The following FAM117A variants were observed in gnomAD, a reference collection of about 807,000 sequenced individuals.
The protein encoded by FAM117A is family with sequence similarity 117 member A.
A neutral mutation model predicts 44.1 loss-of-function variants in FAM117A; 21 were observed. The observed-to-expected ratio is 0.48, with a 90% CI of 0.34 to 0.69. The LOEUF is 0.69. Ranked by LOEUF, FAM117A falls within the 30% of genes least tolerant of loss-of-function variation. The probability of loss-of-function intolerance (pLI) is 0.01; values close to 1 mark genes in which losing one functional copy is unlikely to be tolerated. For missense variants in FAM117A, 498 were observed against 589.9 expected, an observed-to-expected ratio of 0.84 and a Z score of 1.61; for synonymous variants, 220 against 238.3, an observed-to-expected ratio of 0.92 and a Z score of 0.71.
At chr17:49,763,571 A>C (rs1242068148) in intron 1 of FAM117A, among the ~76,000 whole-genome samples, 6 of 90,174 alleles carry the variant, frequency 6.7e-5, no homozygotes, top group Admixed American at 1.3e-4. Context: ...CCTCGCTCCC[A>C]CCCCCTGCAT....
At chr17:49,722,701 C>G (rs2073540842) in intron 2 of FAM117A, 107 bp from the exon 3 acceptor site, 1 of 844,534 alleles carries the variant, frequency 1.2e-6, no homozygotes, top group Admixed American at 2.1e-5. Context: ...GCCCTTCTCT[C>G]TGCTCATCAA....
At chr17:49,745,854 T>C (rs1444628142) in intron 1 of FAM117A, among the ~76,000 whole-genome samples, 2 of 152,198 alleles carry the variant, frequency 1.3e-5, no homozygotes, top group Non-Finnish European at 1.5e-5. Flanking sequence ...AAAGGGGACT[T>C]TGGCTGGGTT....
At chr17:49,752,565 G>C (rs1405884172) in intron 1 of FAM117A, among the ~76,000 whole-genome samples, 1 of 152,084 alleles carries the variant, frequency 6.6e-6, no homozygotes, top group Non-Finnish European at 1.5e-5. Context: ...ATCTTCGCAT[G>C]TCTCCCTAAC....
At chr17:49,736,658 A>G (rs533359412) in intron 1 of FAM117A, among the ~76,000 whole-genome samples, 2 of 152,314 alleles carry the variant, frequency 1.3e-5, no homozygotes, top group African/African-American at 4.8e-5. Flanking sequence ...ACTATACTGC[A>G]TACCATTTCC....
upstream of FAM117A, among the ~76,000 whole-genome samples, chr17:49,764,971 C>T (rs906277353): frequency 6.6e-6 from 1 of 152,192 alleles, no homozygotes; most frequent in Non-Finnish European, 1.5e-5. Context: ...AACTGAAAAA[C>T]TTGCCCAAGT....
At chr17:49,779,523 C>T (rs2068830266) in intron 1 of FAM117A, among the ~76,000 whole-genome samples, 1 of 152,166 alleles carries the variant, frequency 6.6e-6, no homozygotes, top group African/African-American at 2.4e-5. Flanking sequence ...GATCTCAGCT[C>T]TGCATGACAT....
Position 49,731,870 on chromosome 17 carries a change from C to T in FAM117A, c.366+681G>A, listed in dbSNP as rs556566088. On this transcript the variant is annotated intron_variant, in intron 2 of 7. Transcript: ENST00000240364. ...GCGTGATCTCAGCTCACTGCAACCT[C>T]TCCCTCCAAGGTTCAAGCGATTCTC... is the stretch of plus-strand genomic sequence containing the variant. Among the ~76,000 whole-genome samples, 201 of 152,274 alleles carry T rather than the reference C, an allele frequency of 1.3e-3. 1 individual carries two copies. The highest frequency in any genetic ancestry group is 6.8e-3 in the Middle Eastern group (2 of 294).
rs1232368353 is a variant in FAM117A at position 49,720,538 on chromosome 17, A to T, written c.463-102T>A. 3 of 796,116 alleles carry T rather than the reference A, an allele frequency of 3.8e-6. No individual in the cohort carries two copies. The East Asian group carries it at 7.4e-5, about 20-fold the overall frequency. 49.3% of individuals were successfully genotyped at this position (796,116 alleles called of 1,614,324 possible). On this transcript the variant is annotated intron_variant, in intron 3 of 7. Coordinates refer to ENST00000240364, the MANE Select transcript of FAM117A (RefSeq NM_030802.4). ...GCTCCTGGCAGAGGCCCATGAAGAT[A>T]TATACAAGGAGGATGGAAGTTAATC...
chr17:49,711,260 C>CTTT lies in FAM117A; in HGVS notation c.1356_1357insAAA (p.Met452_Val453insLys). ...GTGGGGCAGGGGTGGGACCCTCAGA[C>CTTT]CATCAGGGAGCTCTGGAAAAGCACA... On this transcript the variant is annotated inframe_insertion, in exon 8 of 8. Coordinates refer to ENST00000240364, the MANE Select transcript of FAM117A (RefSeq NM_030802.4). The CTTT allele has an allele frequency of 6.2e-7, 1 of 1,600,690 alleles. No homozygotes were observed.
chr17:49,758,638 A>AAATAAAT (rs1555598068), intron 1 of FAM117A, among the ~76,000 whole-genome samples: 2 of 135,186 alleles, frequency 1.5e-5, no homozygotes, highest in Non-Finnish European at 3.1e-5. Context: ...AAAAAAAAAT[A>AAATAAAT]AAATAAATAA....
intron 3 of FAM117A, among the ~76,000 whole-genome samples, chr17:49,721,072 T>C (rs1046834002): frequency 1.3e-5 from 2 of 152,024 alleles, no homozygotes; most frequent in African/African-American, 4.8e-5. Flanking sequence ...ACATTCAGAG[T>C]ACATTCACAA....
intron 1 of FAM117A, among the ~76,000 whole-genome samples, chr17:49,736,295 C>A (rs1357067348): frequency 2.7e-5 from 4 of 149,516 alleles, no homozygotes; most frequent in African/African-American, 7.4e-5. Context: ...CACGCTTTGT[C>A]GCCCAGGCTG....
intron 1 of FAM117A, among the ~76,000 whole-genome samples, chr17:49,754,558 C>A (rs2143773853): frequency 6.6e-6 from 1 of 152,072 alleles, no homozygotes; most frequent in East Asian, 2.0e-4. Flanking sequence ...CCCGCCTCAG[C>A]CTCCCAAAGT....
chr17:49,776,911 C>T lies in FAM117A; in HGVS notation c.-621+11586G>A, dbSNP rs146932826. 1.7e-3 allele frequency among the ~76,000 whole-genome samples: 265 copies of T among 152,298 alleles called. 1 individual carries two copies. The highest frequency in any genetic ancestry group is 5.6e-3 in the African/African-American group (231 of 41,552). On this transcript the variant is annotated intron_variant, in intron 1 of 7. Coordinates refer to the FAM117A transcript ENST00000513602. ...GTAAGAATCCATGCAGGACCAGAAG[C>T]GTGTGTGGATTCTGAAACCACCAAA...
intron 2 of FAM117A, among the ~76,000 whole-genome samples, chr17:49,730,802 A>C (rs2073581434): frequency 6.6e-6 from 1 of 152,152 alleles, no homozygotes; most frequent in Non-Finnish European, 1.5e-5. Context: ...TCCTTCCTGG[A>C]GGGTATTCTC....
intron 1 of FAM117A, among the ~76,000 whole-genome samples, chr17:49,777,438 T>C (rs954078688): frequency 1.3e-5 from 2 of 152,134 alleles, no homozygotes; most frequent in Non-Finnish European, 2.9e-5. Context: ...ACTCTGGTAG[T>C]ATCTTGTATG....
chr17:49,774,671 C>CT (rs1312096032), intron 1 of FAM117A, among the ~76,000 whole-genome samples: 3 of 152,042 alleles, frequency 2.0e-5, no homozygotes, highest in Non-Finnish European at 4.4e-5. Context: ...TCTGGTATTC[C>CT]TTGTCAGCAA....
At chr17:49,769,528 C>G (rs1206398300) in intron 1 of FAM117A, among the ~76,000 whole-genome samples, 1 of 151,522 alleles carries the variant, frequency 6.6e-6, no homozygotes, top group African/African-American at 2.4e-5. Flanking sequence ...GAAACCCCAT[C>G]TCTACTAAAA....
At chr17:49,756,020 A>G (rs1419199866) in intron 1 of FAM117A, among the ~76,000 whole-genome samples, 1 of 152,236 alleles carries the variant, frequency 6.6e-6, no homozygotes, top group African/African-American at 2.4e-5. Flanking sequence ...GCAGGCACAC[A>G]ATTTCCAGTA....
Sources: allele counts gnomAD v4.1 joint callset (sites outside exome capture counted in the v4.1 genomes callset), GRCh38; gene constraint gnomAD v4.1.1; transcripts MANE v1.5; gene names NCBI Gene and HGNC (gene_info 2026-07-23, HGNC 2026-07-21).